Variants in NTRK3 observed in about 807,000 individuals in gnomAD.
The protein encoded by NTRK3 is neurotrophic receptor tyrosine kinase 3.
In NTRK3, 24 loss-of-function variants were observed where a neutral mutation model predicts 91.7. The observed-to-expected ratio is 0.26, with a 90% CI of 0.19 to 0.37. NTRK3 has a LOEUF of 0.37. Among genes scored for constraint, NTRK3 ranks in the 10% least tolerant of loss-of-function variants. The pLI, the probability that NTRK3 is intolerant of heterozygous loss-of-function variation, is 1.00. For synonymous variants in NTRK3, 483 were observed against 404.0 expected (o/e 1.20, Z -2.34); for missense variants, 880 against 1,068.9 (o/e 0.82, Z 2.46).
At chr15:88,021,226 T>G (rs888426859) in intron 14 of NTRK3, among the ~76,000 whole-genome samples, 4 of 152,242 alleles carry the variant, frequency 2.6e-5, no homozygotes, top group South Asian at 4.1e-4. Context: ...TCCCACGGAA[T>G]GCAGCTACGT....
chr15:87,970,560 T>C (rs1032790172), intron 14 of NTRK3, among the ~76,000 whole-genome samples: 1 of 152,188 alleles, frequency 6.6e-6, no homozygotes, highest in Non-Finnish European at 1.5e-5. Flanking sequence ...AGATATTAAA[T>C]GAAGAATGTT....
At chr15:87,952,060 G>C (rs1424854121) in intron 14 of NTRK3, among the ~76,000 whole-genome samples, 1 of 152,140 alleles carries the variant, frequency 6.6e-6, no homozygotes. Context: ...TTGGGAGGCA[G>C]AGGTTGCAGT....
chr15:87,890,327 A>T (rs1175158770), intron 17 of NTRK3, among the ~76,000 whole-genome samples: 1 of 152,164 alleles, frequency 6.6e-6, no homozygotes, highest in African/African-American at 2.4e-5. Flanking sequence ...TGGCTGCAAA[A>T]GGGAGACATT....
intron 3 of NTRK3, among the ~76,000 whole-genome samples, chr15:88,229,189 C>T (rs1342049025): frequency 6.6e-6 from 1 of 152,214 alleles, no homozygotes; most frequent in Non-Finnish European, 1.5e-5. Context: ...TTTTCAGTTA[C>T]TTGCAGCCAA....
At chr15:88,065,315 A>G (rs1016920335) in intron 13 of NTRK3, among the ~76,000 whole-genome samples, 4 of 152,226 alleles carry the variant, frequency 2.6e-5, no homozygotes, top group Non-Finnish European at 5.9e-5. Context: ...TCTCTAGCAG[A>G]AAACGTTCTT....
exon 19 of NTRK3, chr15:87,873,255 T>C: frequency 4.3e-6 from 1 of 231,400 alleles, no homozygotes; most frequent in Middle Eastern, 1.3e-3. Context: ...TAGGAGTAAT[T>C]TGTGCATGAT....
intron 3 of NTRK3, among the ~76,000 whole-genome samples, chr15:88,206,329 G>A (rs1469266522): frequency 7.2e-6 from 1 of 139,812 alleles, no homozygotes; most frequent in Non-Finnish European, 1.5e-5. Flanking sequence ...CTGGGCGACA[G>A]CGAGACTCCA....
At chr15:88,184,881 G>T (rs560723290) in intron 3 of NTRK3, among the ~76,000 whole-genome samples, 1 of 152,320 alleles carries the variant, frequency 6.6e-6, no homozygotes, top group East Asian at 1.9e-4. Context: ...CCAATGGCTT[G>T]ATTTGGTGGA....
chr15:87,910,554 C>A (rs1356103819), intron 17 of NTRK3, among the ~76,000 whole-genome samples: 1 of 152,106 alleles, frequency 6.6e-6, no homozygotes, highest in Non-Finnish European at 1.5e-5. Flanking sequence ...ATTAAGCAAT[C>A]AAAGAGAGAA....
intron 17 of NTRK3, among the ~76,000 whole-genome samples, chr15:87,887,682 G>A (rs927748850): frequency 1.3e-5 from 2 of 152,134 alleles, no homozygotes; most frequent in African/African-American, 4.8e-5. Context: ...AGTGGTCAAA[G>A]CCTTCCCCGG....
intron 3 of NTRK3, among the ~76,000 whole-genome samples, chr15:88,187,012 T>C (rs2046998247): frequency 6.6e-6 from 1 of 152,144 alleles, no homozygotes; most frequent in Non-Finnish European, 1.5e-5. Context: ...CAAAAGACTA[T>C]GATAAAAAAG....
chr15:88,143,403 G>A (rs145483354), intron 6 of NTRK3, among the ~76,000 whole-genome samples: 55 of 152,360 alleles, frequency 3.6e-4, no homozygotes, highest in African/African-American at 1.3e-3. Context: ...TTTGAAGGGA[G>A]TGTGGCCCTG....
chr15:88,043,107 G>C (rs1466376298), intron 13 of NTRK3, among the ~76,000 whole-genome samples: 1 of 152,188 alleles, frequency 6.6e-6, no homozygotes, highest in Admixed American at 6.5e-5. Context: ...GCTGTCAGGG[G>C]CAACCAGAAA....
chr15:88,200,340 AGCACCTACTATGT>A (rs2048194634), intron 3 of NTRK3, among the ~76,000 whole-genome samples: 1 of 152,172 alleles, frequency 6.6e-6, no homozygotes, highest in South Asian at 2.1e-4. Context: ...TTTATTTATA[AGCACCTACTATGT>A]GCCAGCTCCC....
chr15:88,095,697 CT>C (rs2049517926), intron 13 of NTRK3, among the ~76,000 whole-genome samples: 1 of 152,104 alleles, frequency 6.6e-6, no homozygotes, highest in Non-Finnish European at 1.5e-5. Context: ...TGAGGAGTAC[CT>C]TTAGGTCTAA....
chr15:88,135,281 G>C (rs2151193570), exon 10 of NTRK3: 1 of 1,614,192 alleles, frequency 6.2e-7, no homozygotes, highest in South Asian at 1.1e-5. Context: ...GACTCCCGCA[G>C]AGGCTGCCCA....
At chr15:88,229,511 C>G (rs146271870) in intron 3 of NTRK3, among the ~76,000 whole-genome samples, 169 of 152,296 alleles carry the variant, frequency 1.1e-3, no homozygotes, top group Middle Eastern at 0.01. Context: ...AAGATGGATG[C>G]CTTCGTCACT....
intron 14 of NTRK3, chr15:87,981,101 G>A (rs2074222274): frequency 7.0e-7 from 1 of 1,423,876 alleles, no homozygotes. Flanking sequence ...CCCGTGCTGG[G>A]CACCTAGTCG....
intron 5 of NTRK3, among the ~76,000 whole-genome samples, chr15:88,162,226 C>G (rs1271203687): frequency 6.6e-6 from 1 of 152,210 alleles, no homozygotes; most frequent in Non-Finnish European, 1.5e-5. Flanking sequence ...AACTCATGAA[C>G]AGCTCATTTC....
Sources: gnomAD v4.1 joint callset for allele counts (sites outside exome capture counted in the v4.1 genomes callset) on GRCh38, gnomAD v4.1.1 for gene constraint, MANE v1.5 for transcripts, NCBI Gene and HGNC (gene_info 2026-07-23, HGNC 2026-07-21) for gene names.